The following FAT3 variants were observed in gnomAD, a reference collection of about 807,000 sequenced individuals.
FAT3 encodes the protein protocadherin Fat 3.
FAT3 carries 95 observed loss-of-function variants against 310.2 expected under a neutral mutation model. The ratio of observed to expected loss-of-function variants is 0.31; its 90% CI spans 0.26 to 0.36. FAT3 has a LOEUF of 0.36. Among genes scored for constraint, FAT3 ranks in the 10% least tolerant of loss-of-function variants. FAT3 has a pLI of 1.00. For missense variants in FAT3, 5,408 were observed against 5,715.6 expected, an observed-to-expected ratio of 0.95 and a Z score of 1.74; for synonymous variants, 2,314 against 2,192.9, an observed-to-expected ratio of 1.06 and a Z score of -1.54.
chr11:92,386,367 T>C (rs938465389), intron 2 of FAT3, among the ~76,000 whole-genome samples: 4 of 152,124 alleles, frequency 2.6e-5, no homozygotes, highest in Admixed American at 6.5e-5. Flanking sequence ...CCTAGGAACA[T>C]ATACAAGACT....
At chr11:92,486,339 T>C (rs1230343566) in intron 2 of FAT3, among the ~76,000 whole-genome samples, 1 of 151,804 alleles carries the variant, frequency 6.6e-6, no homozygotes, top group Non-Finnish European at 1.5e-5. Flanking sequence ...AGGCAGATGG[T>C]GGTGTCTGCT....
At chr11:92,393,390 C>T (rs1228989945) in intron 2 of FAT3, among the ~76,000 whole-genome samples, 1 of 152,128 alleles carries the variant, frequency 6.6e-6, no homozygotes, top group African/African-American at 2.4e-5. Flanking sequence ...ATTATGCCAC[C>T]ATTTGGATGT....
At chr11:92,294,592 G>A (rs141374408) in intron 1 of FAT3, among the ~76,000 whole-genome samples, 90 of 152,096 alleles carry the variant, frequency 5.9e-4, no homozygotes, top group African/African-American at 2.1e-3. Context: ...ATGCAGAAAA[G>A]AGGACAGCCA....
chr11:92,848,203 A>G (rs1279440808), intron 19 of FAT3, among the ~76,000 whole-genome samples: 2 of 152,226 alleles, frequency 1.3e-5, no homozygotes, highest in Non-Finnish European at 2.9e-5. Flanking sequence ...CATCATTAGC[A>G]TCTTGAACCA....
chr11:92,734,185 G>A (rs1565550474), intron 4 of FAT3, among the ~76,000 whole-genome samples: 1 of 152,202 alleles, frequency 6.6e-6, no homozygotes, highest in Non-Finnish European at 1.5e-5. Context: ...GAGTATGGAG[G>A]TCTACCTGCT....
intron 2 of FAT3, among the ~76,000 whole-genome samples, chr11:92,466,665 C>T (rs539747603): frequency 1.5e-4 from 23 of 151,116 alleles, no homozygotes; most frequent in South Asian, 2.1e-4. Flanking sequence ...ATGTGCCATG[C>T]TGGTGTGCTG....
chr11:92,250,105 G>A (rs1865077795), intron 1 of FAT3, among the ~76,000 whole-genome samples: 1 of 152,008 alleles, frequency 6.6e-6, no homozygotes, highest in Non-Finnish European at 1.5e-5. Flanking sequence ...ATTGCTCTCT[G>A]CCCCGGACAT....
At chr11:92,393,965 C>G (rs1331624184) in intron 2 of FAT3, among the ~76,000 whole-genome samples, 1 of 152,108 alleles carries the variant, frequency 6.6e-6, no homozygotes, top group Non-Finnish European at 1.5e-5. Flanking sequence ...TGTACGTGTT[C>G]TATTATCTAT....
chr11:92,718,144 A>C (rs1944744022), intron 4 of FAT3, among the ~76,000 whole-genome samples: 1 of 152,114 alleles, frequency 6.6e-6, no homozygotes, highest in Admixed American at 6.6e-5. Flanking sequence ...ATCCTGAGAC[A>C]TTGACCAGTT....
In FAT3 at chr11:92,883,598, A is replaced by G. The variant is rs1158822340; in HGVS notation, c.12937+205A>G. The stretch of plus-strand genomic sequence containing the variant: ...CAGATGGGAGAAATGAAGCTCAGAG[A>G]GGGTAACATCATGAGCCCAAGGTGA... On this transcript the variant is annotated intron_variant, in intron 24 of 27. Coordinates refer to ENST00000525166, the MANE Select transcript of FAT3 (RefSeq NM_001367949.2). The surrounding 1 kb of genome is among the most constrained non-coding windows in gnomAD (Gnocchi z 4.2). Among the ~76,000 whole-genome samples, 1 of 152,166 alleles carries G rather than the reference A, an allele frequency of 6.6e-6. No individual in the cohort carries two copies. Among genetic ancestry groups the G allele is most frequent in the Non-Finnish European group, 1.5e-5 (1 of 68,036 alleles).
intron 20 of FAT3, 63 bp from the exon 21 acceptor site, chr11:92,859,102 A>T (rs1357002007): frequency 2.0e-6 from 3 of 1,496,066 alleles, no homozygotes; most frequent in Non-Finnish European, 2.7e-6. Flanking sequence ...GGGTGATTTC[A>T]TGTGTCTCTG....
chr11:92,869,359 T>G (rs898222193), intron 22 of FAT3, among the ~76,000 whole-genome samples: 1 of 152,190 alleles, frequency 6.6e-6, no homozygotes, highest in African/African-American at 2.4e-5. Flanking sequence ...GGGACTCTCA[T>G]GCACAGCAGT....
At chr11:92,603,992 G>A (rs1940157010) in intron 3 of FAT3, among the ~76,000 whole-genome samples, 1 of 152,142 alleles carries the variant, frequency 6.6e-6, no homozygotes, top group Non-Finnish European at 1.5e-5. Flanking sequence ...GCTGTAATGT[G>A]CACCATAATT....
At position 92,801,450 on chromosome 11, in the gene FAT3, G is replaced by A; in HGVS notation, c.8437G>A (p.Val2813Ile). 1 of 1,613,904 alleles carries A rather than the reference G, an allele frequency of 6.2e-7. No homozygotes were observed. Among genetic ancestry groups the A allele is most frequent in the Non-Finnish European group, 8.5e-7 (1 of 1,179,868 alleles). ...ATTGGATTTGAATGACAACAAGCCA[G>A]TCTTTGAAACTTCAAGCTATGACAC... ...KVLDLNDNKP[V>I]FETSSYDTII... Residue 2813 changes from valine to isoleucine, a missense_variant, in exon 10 of 28, where the codon GTC becomes ATC. Transcript: ENST00000525166.
chr11:92,503,697 ACT>A (rs1376934281), intron 2 of FAT3, among the ~76,000 whole-genome samples: 2 of 151,666 alleles, frequency 1.3e-5, no homozygotes, highest in Non-Finnish European at 2.9e-5. Flanking sequence ...CAGACAACAC[ACT>A]CTGATTTTTT....
intron 4 of FAT3, among the ~76,000 whole-genome samples, chr11:92,719,720 CTGTG>C (rs751825746): frequency 0.24 from 33,184 of 136,570 alleles, 3,933 homozygotes; most frequent in East Asian, 0.27. Flanking sequence ...AGAACCAACT[CTGTG>C]TGTGTGTGTG....
intron 3 of FAT3, among the ~76,000 whole-genome samples, chr11:92,584,332 A>C (rs1201978625): frequency 1.3e-5 from 2 of 152,030 alleles, no homozygotes; most frequent in Non-Finnish European, 2.9e-5. Context: ...TCTATTCTTC[A>C]TATTTTTAAT....
At chr11:92,411,611 G>A (rs1044882208) in intron 2 of FAT3, among the ~76,000 whole-genome samples, 2 of 152,100 alleles carry the variant, frequency 1.3e-5, no homozygotes, top group Non-Finnish European at 2.9e-5. Flanking sequence ...GAGAATCCAG[G>A]GATTCTCAGA....
intron 2 of FAT3, among the ~76,000 whole-genome samples, chr11:92,386,075 G>T (rs1027672706): frequency 6.6e-6 from 1 of 152,156 alleles, no homozygotes; most frequent in Non-Finnish European, 1.5e-5. Flanking sequence ...TTGAGCCTGG[G>T]AATTTGAGGC....
Sources: allele counts gnomAD v4.1 joint callset (sites outside exome capture counted in the v4.1 genomes callset), GRCh38; gene constraint gnomAD v4.1.1; non-coding constraint Gnocchi (gnomAD v3.1); transcripts MANE v1.5; gene names NCBI Gene and HGNC (gene_info 2026-07-23, HGNC 2026-07-21).